The following HEATR4 variants were observed in gnomAD, a reference collection of about 807,000 sequenced individuals.
HEATR4 encodes the protein HEAT repeat-containing protein 4.
HEATR4 carries 95 observed loss-of-function variants against 108.8 expected under a neutral mutation model. The observed-to-expected ratio is 0.87, with a 90% CI of 0.74 to 1.04. The LOEUF (loss-of-function observed/expected upper bound fraction) is 1.04, where lower values mean the gene tolerates loss of function less well. Ranked by LOEUF, HEATR4 falls within the 50% of genes least tolerant of loss-of-function variation. The pLI, the probability that HEATR4 is intolerant of heterozygous loss-of-function variation, is 0.00. For synonymous variants in HEATR4, 443 were observed against 459.4 expected (o/e 0.96, Z 0.46); for missense variants, 1,152 against 1,253.8 (o/e 0.92, Z 1.23).
the HEATR4 span, among the ~76,000 whole-genome samples, chr14:73,586,657 G>A: frequency 6.8e-6 from 1 of 147,646 alleles, no homozygotes; most frequent in South Asian, 2.1e-4. Flanking sequence ...AGTGACCCAA[G>A]ATGCACCACT....
chr14:73,478,939 CTTT>C, intron 17 of HEATR4, 97 bp from the exon 18 acceptor site: 1 of 675,360 alleles, frequency 1.5e-6, no homozygotes. Context: ...AGGGTGTCTC[CTTT>C]TTTTTTTTCT....
At chr14:73,602,719 A>G in the HEATR4 span, among the ~76,000 whole-genome samples, 5 of 152,354 alleles carry the variant, frequency 3.3e-5, 1 homozygote, top group South Asian at 1.0e-3. Flanking sequence ...ATTCCATACA[A>G]TTTTGGAACA....
the HEATR4 span, among the ~76,000 whole-genome samples, chr14:73,625,554 G>T: frequency 6.6e-6 from 1 of 151,340 alleles, no homozygotes; most frequent in African/African-American, 2.4e-5. Context: ...TAGAGACGAG[G>T]TTTCACCATT....
intron 17 of HEATR4, 89 bp from the exon 18 acceptor site, chr14:73,478,931 G>A (rs1452369292): frequency 1.0e-6 from 1 of 960,598 alleles, no homozygotes; most frequent in Non-Finnish European, 1.6e-6. Flanking sequence ...TTGGCTATAG[G>A]GTGTCTCCTT....
chr14:73,630,848 G>C, the HEATR4 span, among the ~76,000 whole-genome samples: 2 of 152,150 alleles, frequency 1.3e-5, no homozygotes, highest in African/African-American at 4.8e-5. Flanking sequence ...GAGCAGGGTG[G>C]CAGGAGAAGG....
chr14:73,529,687 G>A (rs1888587742), intron 2 of HEATR4, among the ~76,000 whole-genome samples: 1 of 152,140 alleles, frequency 6.6e-6, no homozygotes, highest in South Asian at 2.1e-4. Context: ...CTCACCCTCT[G>A]GTCTGATACC....
At chr14:73,581,176 CTT>C in the HEATR4 span, 1 of 148,026 alleles carries the variant, frequency 6.8e-6, no homozygotes. Context: ...GTCTTAGTCT[CTT>C]CAACTGCTGT....
chr14:73,496,123 GT>G (rs1434700941), intron 15 of HEATR4, among the ~76,000 whole-genome samples: 3 of 151,684 alleles, frequency 2.0e-5, no homozygotes, highest in Non-Finnish European at 4.4e-5. Context: ...GAGCGAGACT[GT>G]CCCCCCCTCA....
At chr14:73,594,561 A>G in the HEATR4 span, among the ~76,000 whole-genome samples, 16 of 152,218 alleles carry the variant, frequency 1.1e-4, no homozygotes, top group Non-Finnish European at 5.9e-5. Context: ...TATTCTGCAC[A>G]TGGGAAGAAA....
At chr14:73,628,269 C>T in the HEATR4 span, among the ~76,000 whole-genome samples, 1 of 152,012 alleles carries the variant, frequency 6.6e-6, no homozygotes, top group Admixed American at 6.6e-5. Flanking sequence ...AAGATTACGA[C>T]CAAATATATA....
At chr14:73,551,912 A>G (rs1889331208) in intron 1 of HEATR4, among the ~76,000 whole-genome samples, 1 of 111,908 alleles carries the variant, frequency 8.9e-6, no homozygotes, top group African/African-American at 2.9e-5. Context: ...ACAACTTCCT[A>G]CACACACTGT....
At position 73,478,604 on chromosome 14, in the gene HEATR4, G is replaced by C. The variant is rs767005749; in HGVS notation, c.*2C>G. On this transcript the variant is annotated 3_prime_UTR_variant, in exon 18 of 18. Coordinates refer to ENST00000553558, the MANE Select transcript of HEATR4 (RefSeq NM_001220484.1). ...CATCTTGAAGTAAGACAAGTGTTCA[G>C]CTTAGAGATGAGCACCTTTCTTTCC... 26 of 1,592,236 alleles carry C rather than the reference G, an allele frequency of 1.6e-5. No individual in the cohort carries two copies. The highest frequency in any genetic ancestry group is 2.0e-5 in the Non-Finnish European group (23 of 1,160,218).
Position 73,556,425 on chromosome 14 carries a change from C to CA in HEATR4, c.-152+2325dup, listed in dbSNP as rs1206186630. 1.9e-3 allele frequency among the ~76,000 whole-genome samples: 141 copies of CA among 75,082 alleles called. 13 individuals carry two copies. The highest frequency in any genetic ancestry group is 2.0e-3 in the South Asian group (5 of 2,458). The allele number at this position is 75,082 out of a possible 152,430, so 49.3% of individuals were successfully genotyped here. On this transcript the variant is annotated intron_variant, in intron 1 of 17. Coordinates refer to ENST00000553558, the MANE Select transcript of HEATR4 (RefSeq NM_001220484.1). ...GGGTGACAAGAGTGAAACTTCTTCT[C>CA]AAAAAAAAAAAACAAAAAAAACTTA...
At chr14:73,614,408 T>A in the HEATR4 span, among the ~76,000 whole-genome samples, 3 of 152,138 alleles carry the variant, frequency 2.0e-5, no homozygotes, top group Admixed American at 6.6e-5. Context: ...TCCATGTTCC[T>A]AGAGGCTTTC....
chr14:73,586,407 A>T, the HEATR4 span, among the ~76,000 whole-genome samples: 1 of 151,108 alleles, frequency 6.6e-6, no homozygotes, highest in Admixed American at 6.6e-5. Context: ...AAAGAAAAAA[A>T]AAATTTTTTT....
intron 5 of HEATR4, among the ~76,000 whole-genome samples, chr14:73,516,686 G>A (rs367863533): frequency 2.6e-5 from 4 of 152,104 alleles, no homozygotes; most frequent in African/African-American, 9.7e-5. Context: ...GTTAGGAACC[G>A]GGCCACCACA....
chr14:73,604,688 AT>A, the HEATR4 span, among the ~76,000 whole-genome samples: 2 of 151,938 alleles, frequency 1.3e-5, no homozygotes, highest in South Asian at 4.2e-4. Context: ...GGGTTTCAAC[AT>A]GTTGGTCAGG....
At chr14:73,597,477 C>T in the HEATR4 span, among the ~76,000 whole-genome samples, 8 of 151,106 alleles carry the variant, frequency 5.3e-5, no homozygotes, top group African/African-American at 2.0e-4. Flanking sequence ...CTCTGTCTCC[C>T]GGGTTCAAGT....
At chr14:73,535,465 CTTTCTTTTTTT>C (rs1888827862) in intron 1 of HEATR4, among the ~76,000 whole-genome samples, 1 of 15,806 alleles carries the variant, frequency 6.3e-5, no homozygotes, top group Non-Finnish European at 2.5e-4. Flanking sequence ...TCTTTTTCTT[CTTTCTTTTTTT>C]TTTTTTTTTT....
Sources: allele counts gnomAD v4.1 joint callset (sites outside exome capture counted in the v4.1 genomes callset), GRCh38; gene constraint gnomAD v4.1.1; transcripts MANE v1.5; gene names NCBI Gene and HGNC (gene_info 2026-07-23, HGNC 2026-07-21).